The following UNC13C variants were observed in gnomAD, a reference collection of about 807,000 sequenced individuals.
UNC13C encodes the protein protein unc-13 homolog C.
UNC13C carries 174 observed loss-of-function variants against 245.4 expected under a neutral mutation model. The ratio of observed to expected loss-of-function variants is 0.71; its 90% CI spans 0.63 to 0.80. The LOEUF is 0.80. UNC13C is among the 30% of genes least tolerant of loss of function. The pLI is 0.00. For missense variants in UNC13C, 2,829 were observed against 2,602.9 expected (o/e 1.09, Z -1.89); for synonymous variants, 992 against 895.1 (o/e 1.11, Z -1.93).
intron 19 of UNC13C, among the ~76,000 whole-genome samples, chr15:54,425,081 A>G (rs1470327147): frequency 6.6e-6 from 1 of 151,818 alleles, no homozygotes; most frequent in Non-Finnish European, 1.5e-5. Context: ...CCTACCAGGG[A>G]CCACTTCAGC....
chr15:54,247,286 G>A (rs866004944), intron 7 of UNC13C, among the ~76,000 whole-genome samples: 2 of 151,744 alleles, frequency 1.3e-5, no homozygotes, highest in South Asian at 2.1e-4. Flanking sequence ...AATGCTTCTC[G>A]CTCTTTTCAC....
At chr15:54,057,310 C>A (rs1897578560) in intron 2 of UNC13C, among the ~76,000 whole-genome samples, 1 of 150,758 alleles carries the variant, frequency 6.6e-6, no homozygotes, top group Admixed American at 6.6e-5. Context: ...GGATTGCAAT[C>A]CTAGTCTCAG....
intron 2 of UNC13C, among the ~76,000 whole-genome samples, chr15:54,068,168 G>A (rs915349387): frequency 1.3e-5 from 2 of 152,128 alleles, no homozygotes; most frequent in African/African-American, 4.8e-5. Flanking sequence ...TAGCAGCAAC[G>A]TAACCTGAAC....
intron 30 of UNC13C, among the ~76,000 whole-genome samples, chr15:54,621,744 C>T (rs965356037): frequency 2.6e-5 from 4 of 152,156 alleles, no homozygotes; most frequent in Admixed American, 1.3e-4. Flanking sequence ...TCATGTTTAT[C>T]TGAACCGAAA....
At chr15:54,304,976 T>C (rs2037688899) in intron 13 of UNC13C, among the ~76,000 whole-genome samples, 1 of 152,098 alleles carries the variant, frequency 6.6e-6, no homozygotes, top group Non-Finnish European at 1.5e-5. Flanking sequence ...TTAATATAAT[T>C]GTAATCTGTA....
the UNC13C span, among the ~76,000 whole-genome samples, chr15:53,852,202 G>A: frequency 6.6e-6 from 1 of 152,136 alleles, no homozygotes; most frequent in African/African-American, 2.4e-5. Context: ...ACCCAGTTGG[G>A]GTCTGACGCT....
At chr15:54,219,434 C>A (rs1397790150) in intron 4 of UNC13C, among the ~76,000 whole-genome samples, 3 of 152,140 alleles carry the variant, frequency 2.0e-5, no homozygotes, top group East Asian at 1.9e-4. Context: ...CTTACACCTT[C>A]TACAAAAATT....
At chr15:54,082,701 GCTT>G (rs1283349220) in intron 2 of UNC13C, among the ~76,000 whole-genome samples, 3 of 151,978 alleles carry the variant, frequency 2.0e-5, no homozygotes, top group Non-Finnish European at 2.9e-5. Context: ...AGGAACCGTC[GCTT>G]CTTATTTTTG....
chr15:54,510,028 G>A (rs1416737414), intron 23 of UNC13C, among the ~76,000 whole-genome samples: 1 of 152,130 alleles, frequency 6.6e-6, no homozygotes, highest in African/African-American at 2.4e-5. Flanking sequence ...AATCATCATA[G>A]TAAGAAGAGT....
At chr15:53,850,498 A>C in the UNC13C span, among the ~76,000 whole-genome samples, 1 of 152,164 alleles carries the variant, frequency 6.6e-6, no homozygotes, top group African/African-American at 2.4e-5. Flanking sequence ...TAAGTTCTTT[A>C]AAAGGTTGTC....
chr15:54,303,961 T>C (rs1236771951), intron 13 of UNC13C, among the ~76,000 whole-genome samples: 1 of 152,124 alleles, frequency 6.6e-6, no homozygotes, highest in Non-Finnish European at 1.5e-5. Flanking sequence ...GCAAGTGACC[T>C]GCAGGTATAT....
chr15:53,879,759 G>T, the UNC13C span, among the ~76,000 whole-genome samples: 71 of 152,028 alleles, frequency 4.7e-4, 1 homozygote, highest in Non-Finnish European at 1.5e-4. Flanking sequence ...GCTAATGTTT[G>T]TATTTTCAGT....
chr15:53,946,451 G>T, the UNC13C span, among the ~76,000 whole-genome samples: 21,373 of 109,944 alleles, frequency 0.19, 1,915 homozygotes, highest in Middle Eastern at 0.27. Flanking sequence ...TCTTTTTTTT[G>T]TTTTTTTTTT....
rs12385939 is a variant in UNC13C, at chr15:54,318,746, A to C, written c.4269-3193A>C. Among the ~76,000 whole-genome samples, 1,377 of 151,996 alleles carry C rather than the reference A, an allele frequency of 9.1e-3. 22 individuals carry two copies. The highest frequency in any genetic ancestry group is 0.032 in the African/African-American group (1,317 of 41,516). On this transcript the variant is annotated intron_variant, in intron 13 of 32. Transcript: ENST00000260323. The stretch of plus-strand genomic sequence containing the variant: ...TTGAGTTTTTCCTTTGCTGTGCAGA[A>C]ACTTTTTAATTTGATGTGCTCTTGT...
chr15:54,627,117 A>AAACAC lies in UNC13C; in HGVS notation c.*5_*9dup, dbSNP rs774038909. On this transcript the variant is annotated 3_prime_UTR_variant, in exon 33 of 33. Coordinates refer to ENST00000260323, the MANE Select transcript of UNC13C (RefSeq NM_001080534.3). The stretch of plus-strand genomic sequence containing the variant: ...ATCTACTGAAGAGAGTGCTTGAAAC[A>AAACAC]AACACTGCAAGCTAAATACATAACT... The AAACAC allele has an allele frequency of 3.4e-5, 54 of 1,604,028 alleles. No individual in the cohort carries two copies. The highest frequency in any genetic ancestry group is 4.3e-5 in the Non-Finnish European group (51 of 1,174,592).
At chr15:53,969,519 T>TA in the UNC13C span, among the ~76,000 whole-genome samples, 5 of 151,798 alleles carry the variant, frequency 3.3e-5, no homozygotes, top group African/African-American at 7.2e-5. Flanking sequence ...CCTGTCTCTA[T>TA]AAAAAATTTT....
At position 54,294,032 on chromosome 15, in the gene UNC13C, T is replaced by G; in HGVS notation, c.3956T>G (p.Leu1319Trp). 2 of 1,570,400 alleles carry G rather than the reference T, an allele frequency of 1.3e-6. No homozygotes were observed. The highest frequency in any genetic ancestry group is 1.7e-6 in the Non-Finnish European group (2 of 1,163,358). The stretch of plus-strand genomic sequence containing the variant: ...CAAACAATTGTAGAAGTGAGGACCT[T>G]GAGTGGAGAAATGGATGTCTGGTAC... ...LGQTIVEVRT[L>W]SGEMDVWYNL... The change falls in exon 11 of 33, where the codon TTG becomes TGG. Residue 1319 changes from leucine to tryptophan, a missense_variant. Physicochemically the swap from Leu to Trp is moderately conservative, Grantham distance 61 (BLOSUM62 -2). Coordinates refer to ENST00000260323, the MANE Select transcript of UNC13C (RefSeq NM_001080534.3).
intron 30 of UNC13C, among the ~76,000 whole-genome samples, chr15:54,594,633 C>T (rs1416901164): frequency 6.6e-6 from 1 of 152,154 alleles, no homozygotes; most frequent in African/African-American, 2.4e-5. Flanking sequence ...ACAGGCCTCA[C>T]CCAGCTCCCG....
chr15:54,482,548 G>A (rs1002683680), intron 19 of UNC13C, among the ~76,000 whole-genome samples: 3 of 148,152 alleles, frequency 2.0e-5, no homozygotes, highest in African/African-American at 7.5e-5. Flanking sequence ...AGCTGATCCT[G>A]AGGGGCCAGC....
Sources: allele counts gnomAD v4.1 joint callset (sites outside exome capture counted in the v4.1 genomes callset), GRCh38; gene constraint gnomAD v4.1.1; transcripts MANE v1.5; gene names NCBI Gene and HGNC (gene_info 2026-07-23, HGNC 2026-07-21).